WDR62: variants seen among roughly 807,000 people sequenced by gnomAD.
WDR62 encodes WD repeat-containing protein 62.
A neutral mutation model predicts 160.6 loss-of-function variants in WDR62; 112 were observed. The observed-to-expected ratio is 0.70, with a 90% confidence interval of 0.60 to 0.82. The LOEUF is 0.82. Among genes scored for constraint, WDR62 ranks in the 40% least tolerant of loss-of-function variants. The pLI, the probability that WDR62 is intolerant of heterozygous loss-of-function variation, is 0.00. For synonymous variants in WDR62, 792 were observed against 815.1 expected, an observed-to-expected ratio of 0.97 and a Z score of 0.48; for missense variants, 1,819 against 1,983.8, an observed-to-expected ratio of 0.92 and a Z score of 1.58.
chr19:36,088,425 G>T (rs554728368), intron 13 of WDR62, among the ~76,000 whole-genome samples: 1 of 152,354 alleles, frequency 6.6e-6, no homozygotes, highest in South Asian at 2.1e-4. Flanking sequence ...CATGCCCATT[G>T]TACGGACCGG....
At position 36,101,199 on chromosome 19, in the gene WDR62, C is replaced by T; in HGVS notation, c.2868-15C>T. ...TGAAGTCCTTGTTCCCTCTCTGCCC[C>T]CACTGGCACTGCAGCCAGTATTGCA... On this transcript the variant is annotated splice_polypyrimidine_tract_variant and intron_variant, in intron 23 of 31. Transcript: ENST00000401500. The T allele has an allele frequency of 6.2e-7, 1 of 1,602,552 alleles. No homozygotes were observed.
At chr19:36,065,834 C>T in intron 3 of WDR62, 124 bp from the exon 4 acceptor site, 4 of 934,540 alleles carry the variant, frequency 4.3e-6, no homozygotes, top group Non-Finnish European at 7.1e-6. Context: ...TTGAGCTCAC[C>T]TCTGCTGGCC....
chr19:36,093,214 C>T (rs940327627), intron 19 of WDR62, among the ~76,000 whole-genome samples: 15 of 152,080 alleles, frequency 9.9e-5, no homozygotes, highest in Admixed American at 3.9e-4. Context: ...CCCCAAGCGG[C>T]TGTGGGAACA....
intron 18 of WDR62, 83 bp from the exon 19 acceptor site, chr19:36,092,606 T>A: frequency 6.3e-7 from 1 of 1,583,940 alleles, no homozygotes; most frequent in South Asian, 1.1e-5. Context: ...GGCTGTGGTG[T>A]GGGTGGCTTC....
At chr19:36,073,742 T>G in intron 9 of WDR62, 1 of 649,362 alleles carries the variant, frequency 1.5e-6, no homozygotes, top group Non-Finnish European at 2.8e-6. Flanking sequence ...ACATCATCAG[T>G]GAATAACACG....
rs1391916477 is a variant in WDR62, at chr19:36,071,708, G to A, written c.1035G>A (p.Leu345=). 1 of 1,613,514 alleles carries A rather than the reference G, an allele frequency of 6.2e-7. No individual in the cohort carries two copies. The highest frequency in any genetic ancestry group is 8.5e-7 in the Non-Finnish European group (1 of 1,179,758). The change falls in exon 8 of 32, where the codon CTG becomes CTA. Residue 345 remains leucine, a synonymous_variant. Transcript: ENST00000401500. ...TTGGGGTAGACGTGGCACAGGGCCTGGAGCCCAGGTACTGCCCTGTGGGGA... is the reference window on the plus strand; with the variant it reads ...TTGGGGTAGACGTGGCACAGGGCCTAGAGCCCAGGTACTGCCCTGTGGGGA... ...HYLGVDVAQG[L]EPSFLFHRKA...
chr19:36,084,435 C>G (rs901138473), intron 11 of WDR62, among the ~76,000 whole-genome samples: 1 of 152,184 alleles, frequency 6.6e-6, no homozygotes, highest in Non-Finnish European at 1.5e-5. Context: ...CCAGGCACCA[C>G]AAGGGGCTGC....
intron 1 of WDR62, among the ~76,000 whole-genome samples, chr19:36,058,253 G>C (rs1454056332): frequency 6.6e-6 from 1 of 152,190 alleles, no homozygotes; most frequent in Non-Finnish European, 1.5e-5. Flanking sequence ...TCAGGAGGCT[G>C]AGGCAGGAGA....
rs750117864 is a variant in WDR62 at position 36,103,024 on chromosome 19, G to A, written c.3412G>A (p.Gly1138Arg). The change falls in exon 28 of 32, where the codon GGA (glycine) becomes AGA (arginine). Residue 1138 changes from glycine to arginine, a missense_variant. By Grantham distance (125) the Gly-to-Arg change is moderately radical. Transcript: ENST00000401500. Reference protein sequence around the residue: ...SPEVKLMDRGGSQPRAGTGYA... With the variant: ...SPEVKLMDRGRSQPRAGTGYA... Reference sequence around the variant, plus strand: ...AGAGGTCAAGCTCATGGACCGAGGCGGAAGCCAGCCCAGAGCAGGTACTGG... The same window carrying A: ...AGAGGTCAAGCTCATGGACCGAGGCAGAAGCCAGCCCAGAGCAGGTACTGG... 2.6e-5 allele frequency: 42 copies of A among 1,614,028 alleles called. No individual in the cohort carries two copies. Among genetic ancestry groups the A allele is most frequent in the Admixed American group, 1.8e-4 (11 of 60,012 alleles).
chr19:36,068,850 CG>C (rs1419967869), intron 7 of WDR62, among the ~76,000 whole-genome samples: 1 of 151,892 alleles, frequency 6.6e-6, no homozygotes, highest in East Asian at 1.9e-4. Flanking sequence ...CATCATGGCC[CG>C]TTCTCAATGA....
chr19:36,069,095 C>T (rs187148231), intron 7 of WDR62, among the ~76,000 whole-genome samples: 3,679 of 149,778 alleles, frequency 0.025, 77 homozygotes, highest in Non-Finnish European at 0.035. Context: ...ACCTCCCTCC[C>T]GGACGGAGCG....
intron 3 of WDR62, among the ~76,000 whole-genome samples, chr19:36,063,218 C>T (rs181996666): frequency 3.4e-4 from 52 of 152,144 alleles, no homozygotes; most frequent in African/African-American, 1.2e-3. Flanking sequence ...GCTGGGATTA[C>T]AGGCGTGAGC....
downstream of WDR62, among the ~76,000 whole-genome samples, chr19:36,107,273 C>G (rs11666192): frequency 0.15 from 23,018 of 152,186 alleles, 2,198 homozygotes; most frequent in Non-Finnish European, 0.21. Flanking sequence ...GCAGCACACC[C>G]TCAGGTGGTG....
At chr19:36,064,014 T>C (rs1736399191) in intron 3 of WDR62, among the ~76,000 whole-genome samples, 1 of 152,192 alleles carries the variant, frequency 6.6e-6, no homozygotes, top group Non-Finnish European at 1.5e-5. Flanking sequence ...CTTCCTTGTG[T>C]TGCAGTCACC....
intron 8 of WDR62, 90 bp downstream of exon 8, chr19:36,071,806 C>G: frequency 6.7e-7 from 1 of 1,482,392 alleles, no homozygotes; most frequent in Non-Finnish European, 9.1e-7. Flanking sequence ...ATCTATCTGT[C>G]TGTCCATCCC....
At chr19:36,062,761 G>T (rs1970726666) in intron 3 of WDR62, 1 of 150,452 alleles carries the variant, frequency 6.6e-6, no homozygotes, top group Non-Finnish European at 1.5e-5. Context: ...GCAAAATCAG[G>T]AAATGAAAAT....
chr19:36,102,605 A>C (rs1973434146), intron 26 of WDR62, 132 bp from the exon 27 acceptor site: 1 of 738,906 alleles, frequency 1.4e-6, no homozygotes, highest in African/African-American at 1.7e-5. Flanking sequence ...CTCCTCACCC[A>C]CTGCCCCTGC....
downstream of WDR62, among the ~76,000 whole-genome samples, chr19:36,108,453 G>C (rs2145896520): frequency 6.6e-6 from 1 of 152,072 alleles, no homozygotes; most frequent in South Asian, 2.1e-4. Context: ...CCCGTGCCAG[G>C]CATCCCAGTC....
chr19:36,105,017 C>T lies in WDR62; in HGVS notation c.4561C>T (p.Arg1521Trp), dbSNP rs748425985. 2.6e-5 allele frequency: 42 copies of T among 1,599,386 alleles called. No individual in the cohort carries two copies. The highest frequency in any genetic ancestry group is 1.6e-4 in the East Asian group (7 of 44,684). Reference protein sequence around the residue: ...LLVQAVRRKARGH With the variant: ...LLVQAVRRKAWGH The stretch of plus-strand genomic sequence containing the variant: ...GGTGCAGGCCGTGCGGAGGAAGGCA[C>T]GGGGGCACTGAGGGCGCAGCCCCTC... The change falls in exon 32 of 32, where the codon CGG (arginine) becomes TGG (tryptophan). Residue 1521 changes from arginine to tryptophan, a missense_variant. Arg to Trp is a moderately radical substitution (Grantham distance 101). Coordinates refer to ENST00000401500, the MANE Select transcript of WDR62 (RefSeq NM_001083961.2).
Sources: allele counts gnomAD v4.1 joint callset (sites outside exome capture counted in the v4.1 genomes callset), GRCh38; gene constraint gnomAD v4.1.1; transcripts MANE v1.5; gene names NCBI Gene and HGNC (gene_info 2026-07-23, HGNC 2026-07-21).